CACNG4: variants seen among roughly 807,000 people sequenced by gnomAD.
The protein encoded by CACNG4 is voltage-dependent calcium channel gamma-4 subunit.
CACNG4 carries 8 observed loss-of-function variants against 22.9 expected under a neutral mutation model. The ratio of observed to expected loss-of-function variants is 0.35; its 90% CI spans 0.21 to 0.63. The LOEUF (loss-of-function observed/expected upper bound fraction) is 0.63. CACNG4 is among the 30% of genes least tolerant of loss of function. CACNG4 has a pLI of 0.72. For missense variants in CACNG4, 357 were observed against 455.4 expected (o/e 0.78, Z 1.97); for synonymous variants, 188 against 191.9 (o/e 0.98, Z 0.17).
chr17:66,987,443 C>G (rs1383294008), intron 1 of CACNG4, among the ~76,000 whole-genome samples: 1 of 152,302 alleles, frequency 6.6e-6, no homozygotes, highest in South Asian at 2.1e-4. Context: ...ATTACTCTCT[C>G]AGTCAGGGTC....
chr17:66,991,614 G>A (rs1414432030), intron 1 of CACNG4, among the ~76,000 whole-genome samples: 3 of 152,146 alleles, frequency 2.0e-5, no homozygotes, highest in South Asian at 2.1e-4. Context: ...ACGGGCCTGC[G>A]AGGATGTGTG....
chr17:67,018,196 T>C lies in CACNG4; in HGVS notation c.228T>C (p.Tyr76=), dbSNP rs1013055437. The C allele has an allele frequency of 6.2e-7, 1 of 1,613,586 alleles. No individual in the cohort carries two copies. Residue 76 remains tyrosine (Y), a synonymous_variant, in exon 2 of 4, where the codon TAT becomes TAC. Transcript: ENST00000262138. ...TCCTCTCGTTCCTTCCAGGGATCTA[T>C]AAAGGGCACTGCTTCCGGATCAATC... is the stretch of plus-strand genomic sequence containing the variant. ...LWRVCCIEGI[Y]KGHCFRINHF...
At chr17:66,965,778 G>C (rs1236866506) in intron 1 of CACNG4, among the ~76,000 whole-genome samples, 1 of 152,092 alleles carries the variant, frequency 6.6e-6, no homozygotes, top group Non-Finnish European at 1.5e-5. Flanking sequence ...CGGATCTAGG[G>C]TAGCTGGGTA....
chr17:66,985,394 G>A (rs2035299302), intron 1 of CACNG4, among the ~76,000 whole-genome samples: 2 of 152,184 alleles, frequency 1.3e-5, no homozygotes, highest in Non-Finnish European at 2.9e-5. Context: ...ATTCAGTAAT[G>A]AGTCTATTGT....
chr17:67,028,909 C>T (rs1222760596), intron 3 of CACNG4, among the ~76,000 whole-genome samples: 1 of 152,206 alleles, frequency 6.6e-6, no homozygotes, highest in African/African-American at 2.4e-5. Context: ...TGATAATATT[C>T]ATGATAGGCT....
intron 1 of CACNG4, among the ~76,000 whole-genome samples, chr17:66,992,140 T>C (rs1421998701): frequency 7.2e-6 from 1 of 138,806 alleles, no homozygotes; most frequent in Non-Finnish European, 1.5e-5. Flanking sequence ...ACGGGGTACC[T>C]GGTTGCTCCG....
rs538789129 is a variant in CACNG4 at position 66,977,381 on chromosome 17, G to A, written c.220+12250G>A. 8.5e-5 allele frequency among the ~76,000 whole-genome samples: 13 copies of A among 152,234 alleles called. 1 individual carries two copies. The highest frequency in any genetic ancestry group is 2.9e-4 in the African/African-American group (12 of 41,530). ...GGAGCTTCGTGCGCAGAAGGGAGTC[G>A]AAGATGACATCTGAACTAAGTCTGT... On this transcript the variant is annotated intron_variant, in intron 1 of 3. Coordinates refer to ENST00000262138, the MANE Select transcript of CACNG4 (RefSeq NM_014405.4).
intron 1 of CACNG4, among the ~76,000 whole-genome samples, chr17:67,013,189 C>T (rs1185984444): frequency 6.6e-5 from 10 of 152,178 alleles, no homozygotes; most frequent in Non-Finnish European, 1.2e-4. Flanking sequence ...ATGACCTTCA[C>T]GGAGGTCATG....
intron 2 of CACNG4, among the ~76,000 whole-genome samples, chr17:67,019,525 C>T (rs1024164103): frequency 6.6e-6 from 1 of 152,180 alleles, no homozygotes; most frequent in South Asian, 2.1e-4. Context: ...TCCAGTTGTA[C>T]AGTGCACGTC....
intron 1 of CACNG4, among the ~76,000 whole-genome samples, chr17:66,978,378 A>T (rs2035251000): frequency 6.6e-6 from 1 of 152,216 alleles, no homozygotes. Flanking sequence ...AATACGTGGT[A>T]CATGGGGACA....
chr17:66,973,677 C>G (rs1327812152), intron 1 of CACNG4, among the ~76,000 whole-genome samples: 1 of 152,250 alleles, frequency 6.6e-6, no homozygotes, highest in African/African-American at 2.4e-5. Context: ...CGCGGTTAAC[C>G]TGCATACAGT....
intron 1 of CACNG4, among the ~76,000 whole-genome samples, chr17:67,017,611 G>T (rs28707461): frequency 1.3e-5 from 2 of 151,584 alleles, no homozygotes; most frequent in East Asian, 3.9e-4. Flanking sequence ...TCTGCCTCCC[G>T]GGTTCAAGCA....
At chr17:66,996,110 T>A (rs867432110) in intron 1 of CACNG4, among the ~76,000 whole-genome samples, 14 of 152,182 alleles carry the variant, frequency 9.2e-5, no homozygotes, top group African/African-American at 3.4e-4. Context: ...AGGAGGTTGA[T>A]GACAAGCAGC....
intron 1 of CACNG4, among the ~76,000 whole-genome samples, chr17:66,978,937 G>A (rs918697676): frequency 2.0e-5 from 3 of 152,202 alleles, no homozygotes; most frequent in African/African-American, 7.2e-5. Context: ...AGGATCTCCC[G>A]TCTTCTACCT....
intron 2 of CACNG4, among the ~76,000 whole-genome samples, chr17:67,021,928 T>C (rs1598123757): frequency 6.6e-6 from 1 of 152,290 alleles, no homozygotes; most frequent in Middle Eastern, 3.4e-3. Context: ...CCTGCACCAC[T>C]GTCCGTGGCA....
At chr17:66,967,105 C>T (rs369817930) in intron 1 of CACNG4, among the ~76,000 whole-genome samples, 3 of 152,184 alleles carry the variant, frequency 2.0e-5, no homozygotes, top group Non-Finnish European at 4.4e-5. Flanking sequence ...AACTCCTCCC[C>T]GCCAGCAAAC....
chr17:67,003,263 A>T (rs2035419150), intron 1 of CACNG4, among the ~76,000 whole-genome samples: 1 of 151,958 alleles, frequency 6.6e-6, no homozygotes, highest in African/African-American at 2.4e-5. Flanking sequence ...GGGAAAAATG[A>T]GGCACAGAGA....
intron 3 of CACNG4, among the ~76,000 whole-genome samples, chr17:67,026,624 G>GGT (rs1246364248): frequency 6.7e-6 from 1 of 149,364 alleles, no homozygotes; most frequent in Non-Finnish European, 1.5e-5. Context: ...TGAGGACTGT[G>GGT]GTGTGTGTGT....
chr17:66,966,480 G>A (rs1190822043), intron 1 of CACNG4, among the ~76,000 whole-genome samples: 1 of 152,100 alleles, frequency 6.6e-6, no homozygotes, highest in Non-Finnish European at 1.5e-5. Flanking sequence ...GTTCAGCCGC[G>A]GTTGTTTCTT....
Sources: gnomAD v4.1 joint callset for allele counts (sites outside exome capture counted in the v4.1 genomes callset) on GRCh38, gnomAD v4.1.1 for gene constraint, MANE v1.5 for transcripts, NCBI Gene and HGNC (gene_info 2026-07-23, HGNC 2026-07-21) for gene names.